EVC: variants seen among roughly 807,000 people sequenced by gnomAD.
EVC encodes the protein evC complex member EVC.
A neutral mutation model predicts 118.9 loss-of-function variants in EVC; 116 were observed. The ratio of observed to expected loss-of-function variants is 0.98; its 90% CI spans 0.84 to 1.14. The LOEUF is 1.14. EVC is among the 50% of genes most tolerant of loss of function. The pLI is 0.00. For synonymous variants in EVC, 619 were observed against 534.7 expected (o/e 1.16, Z -2.18); for missense variants, 1,401 against 1,246.4 (o/e 1.12, Z -1.87).
intron 11 of EVC, among the ~76,000 whole-genome samples, chr4:5,775,728 G>A (rs1429120947): frequency 6.6e-6 from 1 of 152,140 alleles, no homozygotes; most frequent in Non-Finnish European, 1.5e-5. Flanking sequence ...ATTACACACT[G>A]GCTGACGTGA....
intron 17 of EVC, among the ~76,000 whole-genome samples, chr4:5,807,336 G>C (rs986325164): frequency 1.3e-5 from 2 of 152,226 alleles, no homozygotes; most frequent in African/African-American, 2.4e-5. Context: ...CAAAAACAGA[G>C]AGGAAAGGTG....
intron 5 of EVC, among the ~76,000 whole-genome samples, chr4:5,740,052 G>A (rs1016832121): frequency 2.0e-5 from 3 of 152,162 alleles, no homozygotes; most frequent in African/African-American, 7.2e-5. Context: ...TGGTACTGGA[G>A]CAATTGGACA....
In EVC at chr4:5,754,911, G is replaced by A. The variant is rs1300020975; in HGVS notation, c.1464+978G>A. On this transcript the variant is annotated intron_variant, in intron 10 of 20. Transcript: ENST00000264956. The surrounding 1 kb of genome is among the most constrained non-coding windows in gnomAD (Gnocchi z 5.8). ...GCACATCTCAGTTCTGCCAAGGGGT[G>A]GGTGGCACCATGTCTGGGTCCAGGC... 6.6e-6 allele frequency among the ~76,000 whole-genome samples: 1 copy of A among 152,206 alleles called. No individual in the cohort carries two copies. Among genetic ancestry groups the A allele is most frequent in the East Asian group, 1.9e-4 (1 of 5,148 alleles).
At chr4:5,720,524 G>C (rs1384729175) in intron 2 of EVC, among the ~76,000 whole-genome samples, 2 of 152,200 alleles carry the variant, frequency 1.3e-5, no homozygotes, top group African/African-American at 4.8e-5. Context: ...CGCAGCCTTA[G>C]CTTACCACAG....
intron 11 of EVC, among the ~76,000 whole-genome samples, chr4:5,768,953 G>A (rs1250847155): frequency 6.6e-6 from 1 of 152,098 alleles, no homozygotes; most frequent in Admixed American, 6.6e-5. Flanking sequence ...TGGCTGGCTG[G>A]CTGTGCCCAG....
At position 5,756,137 on chromosome 4, in the gene EVC, T is replaced by C; in HGVS notation, c.1465-127T>C. 1.4e-6 allele frequency: 1 copy of C among 740,450 alleles called. No homozygotes were observed. The highest frequency in any genetic ancestry group is 2.3e-6 in the Non-Finnish European group (1 of 428,808). The allele number at this position is 740,450 out of a possible 1,614,324, so 45.9% of individuals were successfully genotyped here. A position where few individuals can be genotyped will look rare whatever the true frequency, so the allele number is the denominator to read the frequency against. The stretch of plus-strand genomic sequence containing the variant: ...ACAGCCCCATGCCTCAGTTTCCTTG[T>C]GTGTAATACAGGTGCCAACATCCTT... On this transcript the variant is annotated intron_variant, in intron 10 of 20. Coordinates refer to ENST00000264956, the MANE Select transcript of EVC (RefSeq NM_153717.3). This position sits in a 1 kb window ranked among gnomAD's most constrained non-coding sequence, Gnocchi z 4.2.
chr4:5,734,187 A>C (rs922401434), intron 5 of EVC, among the ~76,000 whole-genome samples: 3 of 152,190 alleles, frequency 2.0e-5, no homozygotes, highest in African/African-American at 7.2e-5. Flanking sequence ...GGTTAAAAAA[A>C]AGTGTTATTT....
At chr4:5,753,190 G>T (rs1263435746) in intron 9 of EVC, 138 bp downstream of exon 9, 2 of 840,532 alleles carry the variant, frequency 2.4e-6, no homozygotes, top group Non-Finnish European at 3.8e-6. Flanking sequence ...TCTGCCCTAG[G>T]GACTGGGTCA....
chr4:5,822,805 T>G, the EVC span, among the ~76,000 whole-genome samples: 1 of 152,128 alleles, frequency 6.6e-6, no homozygotes, highest in Non-Finnish European at 1.5e-5. Flanking sequence ...GTACTCAACT[T>G]ATCACCAGAT....
At position 5,806,827 on chromosome 4, in the gene EVC, C is replaced by G. The variant is rs185801291; in HGVS notation, c.2562-1374C>G. 4.6e-5 allele frequency among the ~76,000 whole-genome samples: 7 copies of G among 152,322 alleles called. No homozygotes were observed. The East Asian group carries it at 1.4e-3, about 29-fold the overall frequency. The stretch of plus-strand genomic sequence containing the variant: ...CAATGGTGCATAAGTGTTCCCTTTT[C>G]TCCACATCCTCACCAAGTGTTATAG... On this transcript the variant is annotated intron_variant, in intron 17 of 20. Transcript: ENST00000264956.
rs1356334116 is a variant in EVC at position 5,737,474 on chromosome 4, T to C, written c.702+4039T>C. 6.6e-6 allele frequency among the ~76,000 whole-genome samples: 1 copy of C among 152,222 alleles called. No individual in the cohort carries two copies. Among genetic ancestry groups the C allele is most frequent in the Non-Finnish European group, 1.5e-5 (1 of 68,042 alleles). ...GAAGAAGATGCCATCTAAGACTTCA[T>C]AGCTAAAGAGGAGAAGTCAATACCT... On this transcript the variant is annotated intron_variant, in intron 5 of 20. Coordinates refer to ENST00000264956, the MANE Select transcript of EVC (RefSeq NM_153717.3). This position sits in a 1 kb window ranked among gnomAD's most constrained non-coding sequence, Gnocchi z 5.0.
At chr4:5,824,045 A>C in the EVC span, among the ~76,000 whole-genome samples, 1 of 152,212 alleles carries the variant, frequency 6.6e-6, no homozygotes, top group Non-Finnish European at 1.5e-5. Flanking sequence ...TGAAACTGAG[A>C]GAACAAGGGT....
Position 5,749,022 on chromosome 4 carries a change from G to A in EVC, c.1098+716G>A, listed in dbSNP as rs1056967527. ...GTTTTTAGAGCTCCCCAATGACGATGGTGGGAGCTGGGGTTGACGCCCACT... is the reference window on the plus strand; with the variant it reads ...GTTTTTAGAGCTCCCCAATGACGATAGTGGGAGCTGGGGTTGACGCCCACT... On this transcript the variant is annotated intron_variant, in intron 8 of 20. Coordinates refer to ENST00000264956, the MANE Select transcript of EVC (RefSeq NM_153717.3). The surrounding 1 kb of genome is among the most constrained non-coding windows in gnomAD (Gnocchi z 4.4). Among the ~76,000 whole-genome samples, 2 of 152,036 alleles carry A rather than the reference G, an allele frequency of 1.3e-5. No homozygotes were observed. Among genetic ancestry groups the A allele is most frequent in the East Asian group, 3.9e-4 (2 of 5,156 alleles).
the EVC span, chr4:5,828,144 G>A: frequency 2.0e-6 from 2 of 985,284 alleles, no homozygotes; most frequent in African/African-American, 3.5e-5. Flanking sequence ...GGCTGCAAAA[G>A]GAGGATCACA....
chr4:5,816,853 G>A (rs192782463), downstream of EVC, among the ~76,000 whole-genome samples: 440 of 152,158 alleles, frequency 2.9e-3, no homozygotes, highest in African/African-American at 9.3e-3. Context: ...CAGTGTCTGC[G>A]TCTCAGAGGA....
chr4:5,746,951 T>C lies in EVC; in HGVS notation c.940-1197T>C, dbSNP rs4263331. Among the ~76,000 whole-genome samples the C allele has an allele frequency of 0.42, 64,123 of 151,716 alleles. 14,039 individuals are homozygous for C. Among genetic ancestry groups the C allele is most frequent in the East Asian group, 0.66 (3,409 of 5,132 alleles). ...GAGTTTGTAAGCAGAGCGGGCTGTG[T>C]AGAGTTGGCAGGTGACAGTCTGCAG... On this transcript the variant is annotated intron_variant, in intron 7 of 20. Coordinates refer to ENST00000264956, the MANE Select transcript of EVC (RefSeq NM_153717.3). The surrounding 1 kb of genome is among the most constrained non-coding windows in gnomAD (Gnocchi z 5.8).
intron 11 of EVC, among the ~76,000 whole-genome samples, chr4:5,762,558 C>T (rs1732239294): frequency 6.8e-6 from 1 of 146,418 alleles, no homozygotes; most frequent in South Asian, 2.3e-4. Flanking sequence ...TCCTCTCCAG[C>T]ACCTGTTGTT....
chr4:5,824,483 CCTCTCT>C, the EVC span: 5 of 942,192 alleles, frequency 5.3e-6, no homozygotes, highest in African/African-American at 1.8e-5. Flanking sequence ...CACACGTCAT[CCTCTCT>C]CTCTCTCTCT....
chr4:5,809,992 T>C (rs1716624709), intron 19 of EVC, among the ~76,000 whole-genome samples: 1 of 152,220 alleles, frequency 6.6e-6, no homozygotes, highest in Non-Finnish European at 1.5e-5. Flanking sequence ...CACAGAGATC[T>C]ACTGAAACAA....
Sources: allele counts gnomAD v4.1 joint callset (sites outside exome capture counted in the v4.1 genomes callset), GRCh38; gene constraint gnomAD v4.1.1; non-coding constraint Gnocchi (gnomAD v3.1); transcripts MANE v1.5; gene names NCBI Gene and HGNC (gene_info 2026-07-23, HGNC 2026-07-21).